Variants in CREB3L2 observed in about 807,000 individuals in gnomAD.
CREB3L2 encodes the protein cyclic AMP-responsive element-binding protein 3-like protein 2.
A neutral mutation model predicts 57.2 loss-of-function variants in CREB3L2; 23 were observed. The ratio of observed to expected loss-of-function variants is 0.40; its 90% confidence interval spans 0.29 to 0.57. The LOEUF (loss-of-function observed/expected upper bound fraction) is 0.57. CREB3L2 is among the 20% of genes least tolerant of loss of function. The pLI, the probability that CREB3L2 is intolerant of heterozygous loss-of-function variation, is 0.42. For missense variants in CREB3L2, 628 were observed against 634.7 expected, an observed-to-expected ratio of 0.99 and a Z score of 0.11; for synonymous variants, 268 against 265.1, an observed-to-expected ratio of 1.01 and a Z score of -0.11.
chr7:137,882,771 G>A (rs2117173122), intron 10 of CREB3L2, 143 bp from the exon 11 acceptor site: 1 of 544,034 alleles, frequency 1.8e-6, no homozygotes, highest in South Asian at 3.9e-5. Context: ...AACAGAATTT[G>A]GCTTTCTATA....
At chr7:137,945,651 GCTCT>G (rs1230026352) in intron 1 of CREB3L2, among the ~76,000 whole-genome samples, 3 of 152,166 alleles carry the variant, frequency 2.0e-5, no homozygotes, top group African/African-American at 4.8e-5. Context: ...GCAGAAATCT[GCTCT>G]CTAATTTTGC....
intron 1 of CREB3L2, among the ~76,000 whole-genome samples, chr7:137,928,920 C>G (rs574152599): frequency 8.5e-5 from 13 of 152,112 alleles, no homozygotes; most frequent in Non-Finnish European, 1.3e-4. Flanking sequence ...GTGGACAGTG[C>G]GGGGGGCATG....
intron 1 of CREB3L2, among the ~76,000 whole-genome samples, chr7:137,987,880 T>C (rs1171571025): frequency 6.6e-6 from 1 of 152,110 alleles, no homozygotes; most frequent in Non-Finnish European, 1.5e-5. Flanking sequence ...GTAACACGGG[T>C]GGTTCAAACT....
intron 7 of CREB3L2, among the ~76,000 whole-genome samples, chr7:137,903,448 CTT>C (rs1461077887): frequency 6.6e-6 from 1 of 151,746 alleles, no homozygotes; most frequent in Admixed American, 6.6e-5. Context: ...ATATTACAGA[CTT>C]TTCAAAAGAA....
Position 137,908,246 on chromosome 7 carries a change from A to G in CREB3L2, c.768+6T>C. 8.0e-7 allele frequency: 1 copy of G among 1,256,526 alleles called. No homozygotes were observed. The allele number at this position is 1,256,526 out of a possible 1,614,324, so 77.8% of individuals were successfully genotyped here. On this transcript the variant is annotated splice_donor_region_variant and intron_variant, in intron 5 of 11. Coordinates refer to ENST00000330387, the MANE Select transcript of CREB3L2 (RefSeq NM_194071.4). Reference sequence around the variant, plus strand: ...TTTGGTCCAGGAATGCCCGCTGCATACTTACATGAGGAGCCGTGAGGAGAG... The same window carrying G: ...TTTGGTCCAGGAATGCCCGCTGCATGCTTACATGAGGAGCCGTGAGGAGAG...
At chr7:137,972,416 C>T (rs967525626) in intron 1 of CREB3L2, among the ~76,000 whole-genome samples, 1 of 151,096 alleles carries the variant, frequency 6.6e-6, no homozygotes, top group Non-Finnish European at 1.5e-5. Context: ...CCAGCCTGGG[C>T]GACAGAGCAA....
chr7:137,957,978 G>C, intron 1 of CREB3L2: 1 of 308,830 alleles, frequency 3.2e-6, no homozygotes, highest in Non-Finnish European at 6.3e-6. Context: ...TTCCGTCCTA[G>C]GCCTGGCCCA....
intron 7 of CREB3L2, among the ~76,000 whole-genome samples, chr7:137,901,878 A>AAAAAG (rs1319867213): frequency 2.7e-5 from 4 of 147,640 alleles, no homozygotes; most frequent in East Asian, 2.0e-4. Context: ...CTGTCTCAAA[A>AAAAAG]AAAAAAAAAA....
In CREB3L2 at chr7:137,928,153, C is replaced by A; in HGVS notation, c.316G>T (p.Asp106Tyr). 1 of 1,532,502 alleles carries A rather than the reference C, an allele frequency of 6.5e-7. No individual in the cohort carries two copies. The highest frequency in any genetic ancestry group is 1.2e-5 in the South Asian group (1 of 84,796). 94.9% of individuals were successfully genotyped at this position (1,532,502 alleles called of 1,614,324 possible). A position where few individuals can be genotyped will look rare whatever the true frequency, so the allele number is the denominator to read the frequency against. The stretch of plus-strand genomic sequence containing the variant: ...CTTCCTCCTCCTCTGAGTTTACCGT[C>A]ATTGAAGCTGTCACTGGTGGTAATG... ...THITTSDSFN[D>Y]DEVESEKWYL... The change falls in exon 2 of 12, where the codon GAC (aspartate) becomes TAC (tyrosine). Residue 106 changes from aspartate to tyrosine, a missense_variant. By Grantham distance (160) the Asp-to-Tyr change is radical. Coordinates refer to ENST00000330387, the MANE Select transcript of CREB3L2 (RefSeq NM_194071.4).
In CREB3L2 at chr7:137,877,833, G is replaced by C. The variant is rs572393874; in HGVS notation, c.*2643C>G. 4.4e-6 allele frequency: 1 copy of C among 228,530 alleles called. No individual in the cohort carries two copies. 14.2% of individuals were successfully genotyped at this position (228,530 alleles called of 1,614,324 possible). A position where few individuals can be genotyped will look rare whatever the true frequency, so the allele number is the denominator to read the frequency against. On this transcript the variant is annotated 3_prime_UTR_variant, in exon 12 of 12. Transcript: ENST00000330387. ...CACTGATATTCTGGTCTTAATCCCT[G>C]AACAGAAAATGTGCACACATCCATT... is the stretch of plus-strand genomic sequence containing the variant.
At chr7:137,949,724 C>T (rs1271833506) in intron 1 of CREB3L2, among the ~76,000 whole-genome samples, 1 of 152,122 alleles carries the variant, frequency 6.6e-6, no homozygotes, top group Non-Finnish European at 1.5e-5. Context: ...ATTTGTGTTT[C>T]TCACACCAGG....
At chr7:137,889,087 T>A (rs1406999131) in intron 8 of CREB3L2, among the ~76,000 whole-genome samples, 1 of 151,992 alleles carries the variant, frequency 6.6e-6, no homozygotes, top group Non-Finnish European at 1.5e-5. Context: ...AGAGCATGAA[T>A]AGCTTTAAAA....
intron 1 of CREB3L2, among the ~76,000 whole-genome samples, chr7:137,966,530 A>G (rs1391825052): frequency 1.3e-5 from 2 of 152,210 alleles, no homozygotes. Flanking sequence ...GAATAAGTTA[A>G]TCTTTTGGAT....
chr7:137,910,501 C>T (rs576626761), intron 4 of CREB3L2, among the ~76,000 whole-genome samples: 3 of 152,136 alleles, frequency 2.0e-5, no homozygotes, highest in South Asian at 2.1e-4. Context: ...GTGAGGAGTC[C>T]TAAGCGTGTT....
Position 137,880,649 on chromosome 7 carries a change from C to G in CREB3L2, c.1488-98G>C. 1.1e-6 allele frequency: 1 copy of G among 922,298 alleles called. No individual in the cohort carries two copies. The allele number at this position is 922,298 out of a possible 1,614,324, so 57.1% of individuals were successfully genotyped here. On this transcript the variant is annotated intron_variant, in intron 11 of 11. Transcript: ENST00000330387. This position sits in a 1 kb window ranked among gnomAD's most constrained non-coding sequence, Gnocchi z 4.0. ...TGATGCAATCATTCAGGGGTTGCAA[C>G]TTGGTGAGACGGCCTGGGCATGTTT...
At chr7:137,901,684 T>A (rs1266975271) in intron 7 of CREB3L2, among the ~76,000 whole-genome samples, 1 of 150,894 alleles carries the variant, frequency 6.6e-6, no homozygotes, top group African/African-American at 2.4e-5. Flanking sequence ...ATAGAGACCA[T>A]CCTGGCCGAC....
chr7:137,934,421 G>A (rs770744764), intron 1 of CREB3L2, among the ~76,000 whole-genome samples: 3 of 152,290 alleles, frequency 2.0e-5, no homozygotes, highest in East Asian at 1.9e-4. Flanking sequence ...TGACATACTC[G>A]ATTTTCAGAA....
intron 8 of CREB3L2, among the ~76,000 whole-genome samples, chr7:137,892,030 T>C (rs1223065200): frequency 6.6e-6 from 1 of 152,192 alleles, no homozygotes; most frequent in African/African-American, 2.4e-5. Context: ...ATGAAGGAAC[T>C]TTTTCACAGC....
chr7:137,960,754 A>G (rs922526751), intron 1 of CREB3L2, among the ~76,000 whole-genome samples: 2 of 152,162 alleles, frequency 1.3e-5, no homozygotes, highest in Admixed American at 6.5e-5. Context: ...ATTTAAATTA[A>G]CAAATAAACA....
Sources: allele counts gnomAD v4.1 joint callset (sites outside exome capture counted in the v4.1 genomes callset), GRCh38; gene constraint gnomAD v4.1.1; non-coding constraint Gnocchi (gnomAD v3.1); transcripts MANE v1.5; gene names NCBI Gene and HGNC (gene_info 2026-07-23, HGNC 2026-07-21).